Variants in CACNA2D1 observed in about 807,000 individuals in gnomAD.
CACNA2D1 encodes the protein voltage-dependent calcium channel subunit alpha-2/delta-1.
A neutral mutation model predicts 171.5 loss-of-function variants in CACNA2D1; 53 were observed. The ratio of observed to expected loss-of-function variants is 0.31; its 90% confidence interval spans 0.25 to 0.39. The LOEUF (loss-of-function observed/expected upper bound fraction) is 0.39, where lower values mean the gene tolerates loss of function less well. CACNA2D1 is among the 10% of genes least tolerant of loss of function. CACNA2D1 has a pLI of 1.00. For synonymous variants in CACNA2D1, 442 were observed against 443.1 expected, an observed-to-expected ratio of 1.00 and a Z score of 0.03; for missense variants, 903 against 1,299.8, an observed-to-expected ratio of 0.69 and a Z score of 4.69.
At chr7:82,233,799 G>A (rs1008690840) in intron 3 of CACNA2D1, among the ~76,000 whole-genome samples, 1 of 151,896 alleles carries the variant, frequency 6.6e-6, no homozygotes, top group African/African-American at 2.4e-5. Context: ...ACTACCATCT[G>A]TTTTCATATT....
At chr7:82,440,445 T>G (rs1443348517) in intron 1 of CACNA2D1, among the ~76,000 whole-genome samples, 1 of 151,890 alleles carries the variant, frequency 6.6e-6, no homozygotes, top group Non-Finnish European at 1.5e-5. Context: ...AGCTACATTT[T>G]AAAAATACCA....
At chr7:82,375,569 A>T (rs114446502) in intron 1 of CACNA2D1, among the ~76,000 whole-genome samples, 1 of 151,960 alleles carries the variant, frequency 6.6e-6, no homozygotes, top group African/African-American at 2.4e-5. Context: ...TGGAGTACGT[A>T]TTATCTACAC....
In CACNA2D1 at chr7:82,171,192, T is replaced by C. The variant is rs113847835; in HGVS notation, c.295-583A>G. Among the ~76,000 whole-genome samples the C allele has an allele frequency of 4.6e-4, 70 of 152,240 alleles. 1 individual carries two copies. The highest frequency in any genetic ancestry group is 1.6e-3 in the African/African-American group (65 of 41,574). On this transcript the variant is annotated intron_variant, in intron 3 of 38. Coordinates refer to ENST00000356860, the MANE Select transcript of CACNA2D1 (RefSeq NM_000722.4). The stretch of plus-strand genomic sequence containing the variant: ...GCTTTATTTCACCTTCAATCGTGTA[T>C]GCTAAAGTAGTTAAGAATTATAAGC...
At chr7:82,256,206 A>C (rs1806285314) in intron 3 of CACNA2D1, among the ~76,000 whole-genome samples, 1 of 152,122 alleles carries the variant, frequency 6.6e-6, no homozygotes, top group Non-Finnish European at 1.5e-5. Flanking sequence ...AGGTGGGAGA[A>C]TTGCTTGAAC....
intron 6 of CACNA2D1, among the ~76,000 whole-genome samples, chr7:82,087,793 T>C (rs1444723568): frequency 6.6e-6 from 1 of 152,096 alleles, no homozygotes; most frequent in Non-Finnish European, 1.5e-5. Context: ...TGCCCAACAT[T>C]TCTCCATTTT....
intron 5 of CACNA2D1, among the ~76,000 whole-genome samples, chr7:82,134,071 T>C (rs1791328546): frequency 6.7e-6 from 1 of 150,052 alleles, no homozygotes; most frequent in African/African-American, 2.5e-5. Flanking sequence ...AGAGTCTGTC[T>C]CGGAAAAAAA....
chr7:82,272,683 C>T (rs1449229626), intron 3 of CACNA2D1, among the ~76,000 whole-genome samples: 1 of 152,096 alleles, frequency 6.6e-6, no homozygotes, highest in African/African-American at 2.4e-5. Context: ...AATAAAGGTA[C>T]TACTAAGAAA....
At chr7:82,050,205 T>C (rs1274677725) in intron 10 of CACNA2D1, 1 of 193,970 alleles carries the variant, frequency 5.2e-6, no homozygotes, top group East Asian at 1.2e-4. Flanking sequence ...AACAACCTCC[T>C]GCTCTGGTAT....
At chr7:82,443,784 C>G, upstream of CACNA2D1, 1 of 997,810 alleles carries the variant, frequency 1.0e-6, no homozygotes. Flanking sequence ...CGCTCTCCCT[C>G]TCGGTTTCCT....
intron 1 of CACNA2D1, among the ~76,000 whole-genome samples, chr7:82,406,762 T>C (rs1290922748): frequency 6.6e-6 from 1 of 152,230 alleles, no homozygotes; most frequent in African/African-American, 2.4e-5. Context: ...TCAGTTTTTC[T>C]TGTTTAAGTT....
intron 2 of CACNA2D1, among the ~76,000 whole-genome samples, chr7:82,338,960 C>CT (rs1402925981): frequency 6.6e-6 from 1 of 152,134 alleles, no homozygotes; most frequent in Non-Finnish European, 1.5e-5. Context: ...AAAGAACCAC[C>CT]TACAGCTGAG....
intron 1 of CACNA2D1, among the ~76,000 whole-genome samples, chr7:82,398,332 C>T (rs1045308243): frequency 6.6e-6 from 1 of 152,188 alleles, no homozygotes; most frequent in African/African-American, 2.4e-5. Flanking sequence ...TGAAGACAAA[C>T]ATCATTCCAT....
intron 1 of CACNA2D1, among the ~76,000 whole-genome samples, chr7:82,363,547 G>A (rs950905082): frequency 3.9e-5 from 6 of 152,032 alleles, no homozygotes; most frequent in African/African-American, 1.5e-4. Flanking sequence ...TTATAGGCGT[G>A]AGCCACCACG....
intron 3 of CACNA2D1, among the ~76,000 whole-genome samples, chr7:82,196,735 C>T (rs1798891098): frequency 6.6e-6 from 1 of 151,074 alleles, no homozygotes; most frequent in Admixed American, 6.6e-5. Context: ...TTATATTTGT[C>T]AGAAATAAGA....
At chr7:81,987,281 C>A (rs73705431) in intron 21 of CACNA2D1, among the ~76,000 whole-genome samples, 2,561 of 152,228 alleles carry the variant, frequency 0.017, 73 homozygotes, top group African/African-American at 0.059. Flanking sequence ...CTGTCATATA[C>A]AATGTTTGCT....
chr7:82,034,709 T>A (rs903324453), intron 11 of CACNA2D1, among the ~76,000 whole-genome samples: 10 of 152,026 alleles, frequency 6.6e-5, no homozygotes, highest in Non-Finnish European at 1.3e-4. Context: ...AACTATCCTG[T>A]AAAAATGTTA....
intron 1 of CACNA2D1, among the ~76,000 whole-genome samples, chr7:82,391,313 G>C (rs551330681): frequency 6.6e-6 from 1 of 152,258 alleles, no homozygotes; most frequent in South Asian, 2.1e-4. Context: ...TGCTTTATGT[G>C]TCAAAGGAAA....
intron 16 of CACNA2D1, among the ~76,000 whole-genome samples, chr7:82,006,407 T>C (rs543459004): frequency 1.0e-3 from 159 of 152,158 alleles, no homozygotes; most frequent in Admixed American, 2.4e-3. Flanking sequence ...GGCATCATAG[T>C]TTTAGGTGCA....
intron 38 of CACNA2D1, among the ~76,000 whole-genome samples, chr7:81,958,521 A>AG (rs1793710513): frequency 6.6e-6 from 1 of 152,048 alleles, no homozygotes; most frequent in Non-Finnish European, 1.5e-5. Flanking sequence ...AAGAATTTTA[A>AG]AAGCATAAAG....
Sources: allele counts gnomAD v4.1 joint callset (sites outside exome capture counted in the v4.1 genomes callset), GRCh38; gene constraint gnomAD v4.1.1; transcripts MANE v1.5; gene names NCBI Gene and HGNC (gene_info 2026-07-23, HGNC 2026-07-21).